PCDHA10: variants seen among roughly 807,000 people sequenced by gnomAD.
The protein encoded by PCDHA10 is protocadherin alpha 10.
Under a neutral mutation model 61.2 loss-of-function variants are expected in PCDHA10, and 45 were observed. The ratio of observed to expected loss-of-function variants is 0.74; its 90% CI spans 0.58 to 0.94. PCDHA10 has a LOEUF of 0.94. Ranked by LOEUF, PCDHA10 falls within the 40% of genes least tolerant of loss-of-function variation. The pLI is 0.00. For synonymous variants in PCDHA10, 602 were observed against 548.8 expected (o/e 1.10, Z -1.35); for missense variants, 1,278 against 1,236.2 (o/e 1.03, Z -0.51).
intron 1 of PCDHA10, among the ~76,000 whole-genome samples, chr5:140,974,838 A>G (rs1554236389): frequency 6.6e-6 from 1 of 152,134 alleles, no homozygotes; most frequent in Admixed American, 6.5e-5. Context: ...ATTATTTTAA[A>G]TGTTATATTC....
At chr5:140,990,628 G>A (rs1380038956) in intron 3 of PCDHA10, among the ~76,000 whole-genome samples, 1 of 152,154 alleles carries the variant, frequency 6.6e-6, no homozygotes, top group African/African-American at 2.4e-5. Flanking sequence ...TCTGTGGTAA[G>A]ACTAGAAGCC....
chr5:141,006,127 C>CA (rs2098257011), intron 3 of PCDHA10, among the ~76,000 whole-genome samples: 1 of 147,760 alleles, frequency 6.8e-6, no homozygotes, highest in Admixed American at 6.7e-5. Flanking sequence ...TTTCTCAAGG[C>CA]AGTAGAAAGC....
intron 1 of PCDHA10, chr5:140,927,689 G>A (rs781972370): frequency 5.6e-6 from 9 of 1,614,064 alleles, no homozygotes; most frequent in African/African-American, 2.7e-5. Flanking sequence ...GGGTCCAATG[G>A]GGAAGTCCAG....
intron 1 of PCDHA10, among the ~76,000 whole-genome samples, chr5:140,892,705 T>C (rs1395351366): frequency 6.6e-6 from 1 of 152,210 alleles, no homozygotes; most frequent in Non-Finnish European, 1.5e-5. Flanking sequence ...TCAGGGTAAT[T>C]AGCATATTCA....
chr5:140,861,476 C>A, intron 1 of PCDHA10: 2 of 493,220 alleles, frequency 4.1e-6, no homozygotes, highest in Admixed American at 2.1e-5. Flanking sequence ...TGCAGAATGG[C>A]ATTTTTGTGA....
intron 1 of PCDHA10, among the ~76,000 whole-genome samples, chr5:140,953,146 A>G (rs1554220822): frequency 6.6e-6 from 1 of 152,152 alleles, no homozygotes; most frequent in Non-Finnish European, 1.5e-5. Context: ...TTATATTTCT[A>G]TGAAGGGTGT....
chr5:140,953,316 T>G (rs782746401), intron 1 of PCDHA10, among the ~76,000 whole-genome samples: 3 of 152,138 alleles, frequency 2.0e-5, no homozygotes, highest in Non-Finnish European at 2.9e-5. Flanking sequence ...TGGGAAGAAT[T>G]TGATCATAGA....
intron 1 of PCDHA10, chr5:140,967,594 G>A: frequency 6.2e-7 from 1 of 1,614,142 alleles, no homozygotes; most frequent in Non-Finnish European, 8.5e-7. Flanking sequence ...GCACATTGGT[G>A]GTGAAGCTGA....
At chr5:140,876,172 G>C in intron 1 of PCDHA10, 1 of 1,613,970 alleles carries the variant, frequency 6.2e-7, no homozygotes, top group East Asian at 2.2e-5. Flanking sequence ...AACCGTCCTG[G>C]ATGTGAATGA....
rs367685277 is a variant in PCDHA10 at position 140,871,336 on chromosome 5, G to A, written c.2388+12900G>A. 5.0e-6 allele frequency: 8 copies of A among 1,614,062 alleles called. No homozygotes were observed. The African/African-American group carries it at 9.3e-5, about 19-fold the overall frequency. On this transcript the variant is annotated intron_variant, in intron 1 of 3. Transcript: ENST00000307360. ...CACGCTGGTGTGCTCCCGCGCGGTG[G>A]GGAGCTGGTCATACTCGCAGCAGAG...
Position 141,010,405 on chromosome 5 carries a change from C to G in PCDHA10, c.*468C>G. On this transcript the variant is annotated 3_prime_UTR_variant, in exon 4 of 4. Transcript: ENST00000307360. ...ATTGGCTGAGACGAGCCAGCTTAGA[C>G]TAATTGGTACAAGGAAGGCAAGAAA... 1 of 1,260,098 alleles carries G rather than the reference C, an allele frequency of 7.9e-7. No homozygotes were observed. Among genetic ancestry groups the G allele is most frequent in the South Asian group, 1.6e-5 (1 of 64,208 alleles). 78.1% of individuals were successfully genotyped at this position (1,260,098 alleles called of 1,614,324 possible). A position where few individuals can be genotyped will look rare whatever the true frequency, so the allele number is the denominator to read the frequency against.
chr5:140,857,839 C>A lies in PCDHA10; in HGVS notation c.1791C>A (p.Asp597Glu). 1 of 1,597,776 alleles carries A rather than the reference C, an allele frequency of 6.3e-7. No homozygotes were observed. The highest frequency in any genetic ancestry group is 1.1e-5 in the South Asian group (1 of 90,492). ...TGGTGGCTAAGGTGCGCGCAGTGGA[C>A]GCTGACTCTGGATACAACGCGTGGC... ...GHVVAKVRAVDADSGYNAWLS... is the reference protein window; with the variant it reads ...GHVVAKVRAVEADSGYNAWLS... Residue 597 changes from aspartate to glutamate, a missense_variant, in exon 1 of 4, where the codon GAC becomes GAA. By Grantham distance (45) the Asp-to-Glu change is conservative. Coordinates refer to ENST00000307360, the MANE Select transcript of PCDHA10 (RefSeq NM_018901.4).
In PCDHA10 at chr5:140,938,797, G is replaced by T. The variant is rs76361474; in HGVS notation, c.2389-40152G>T. On this transcript the variant is annotated intron_variant, in intron 1 of 3. Coordinates refer to ENST00000307360, the MANE Select transcript of PCDHA10 (RefSeq NM_018901.4). Reference sequence around the variant, plus strand: ...TTAGTACCTGAATGATGAAATAATCGGTACCACAAACCCCTGTGACATGAG... The same window carrying T: ...TTAGTACCTGAATGATGAAATAATCTGTACCACAAACCCCTGTGACATGAG... Among the ~76,000 whole-genome samples, 827 of 152,042 alleles carry T rather than the reference G, an allele frequency of 5.4e-3. 3 individuals carry two copies. Among genetic ancestry groups the T allele is most frequent in the African/African-American group, 0.019 (796 of 41,444 alleles).
At chr5:140,970,862 T>C (rs2153787404) in intron 1 of PCDHA10, among the ~76,000 whole-genome samples, 1 of 152,312 alleles carries the variant, frequency 6.6e-6, no homozygotes, top group South Asian at 2.1e-4. Flanking sequence ...GTTCCATTCC[T>C]GATTGAGAGT....
At chr5:140,862,441 T>A (rs1429423701) in intron 1 of PCDHA10, 1 of 358,060 alleles carries the variant, frequency 2.8e-6, no homozygotes, top group Non-Finnish European at 5.5e-6. Context: ...TCGTTGGTAC[T>A]CCACAGCGCC....
rs543488933 is a variant in PCDHA10, at chr5:140,915,492, A to G, written c.2388+57056A>G. The stretch of plus-strand genomic sequence containing the variant: ...TGAAGGAGCTTGGGCCTCAATCCCA[A>G]TAATACTGTGGTTTTTGCAGACTAG... On this transcript the variant is annotated intron_variant, in intron 1 of 3. Coordinates refer to ENST00000307360, the MANE Select transcript of PCDHA10 (RefSeq NM_018901.4). 2.0e-5 allele frequency among the ~76,000 whole-genome samples: 3 copies of G among 152,232 alleles called. No homozygotes were observed. The South Asian group carries it at 6.2e-4, about 32-fold the overall frequency.
intron 1 of PCDHA10, among the ~76,000 whole-genome samples, chr5:140,924,635 C>G (rs2081927697): frequency 6.6e-6 from 1 of 152,108 alleles, no homozygotes; most frequent in Non-Finnish European, 1.5e-5. Context: ...GGGCTCACAC[C>G]TGTAATCCCA....
intron 3 of PCDHA10, among the ~76,000 whole-genome samples, chr5:140,983,358 T>C (rs1374842008): frequency 6.6e-6 from 1 of 152,224 alleles, no homozygotes; most frequent in Non-Finnish European, 1.5e-5. Context: ...GTAATAGAAA[T>C]ATGGCTTTGG....
chr5:140,990,555 G>C (rs1176257375), intron 3 of PCDHA10, among the ~76,000 whole-genome samples: 1 of 152,130 alleles, frequency 6.6e-6, no homozygotes, highest in African/African-American at 2.4e-5. Context: ...TATTACCCAA[G>C]AACACACACC....
Sources: allele counts gnomAD v4.1 joint callset (sites outside exome capture counted in the v4.1 genomes callset), GRCh38; gene constraint gnomAD v4.1.1; transcripts MANE v1.5; gene names NCBI Gene and HGNC (gene_info 2026-07-23, HGNC 2026-07-21).